The following SV2B variants were observed in gnomAD, a reference collection of about 807,000 sequenced individuals.
SV2B encodes the protein solute carrier family 22 member B2.
SV2B carries 41 observed loss-of-function variants against 73.9 expected under a neutral mutation model. The observed-to-expected ratio is 0.56, with a 90% CI of 0.43 to 0.72. The LOEUF (loss-of-function observed/expected upper bound fraction) is 0.72, where lower values mean the gene tolerates loss of function less well. Ranked by LOEUF, SV2B falls within the 30% of genes least tolerant of loss-of-function variation. The pLI, the probability that SV2B is intolerant of heterozygous loss-of-function variation, is 0.00. For missense variants in SV2B, 764 were observed against 857.8 expected, an observed-to-expected ratio of 0.89 and a Z score of 1.37; for synonymous variants, 314 against 314.2, an observed-to-expected ratio of 1.00 and a Z score of 0.01.
chr15:91,202,196 C>G (rs1229789383), intron 1 of SV2B, among the ~76,000 whole-genome samples: 1 of 152,172 alleles, frequency 6.6e-6, no homozygotes, highest in Non-Finnish European at 1.5e-5. Flanking sequence ...CTGCCTAGCA[C>G]TCATATGAGA....
In SV2B at chr15:91,173,695, A is replaced by C. The variant is rs1462420389; in HGVS notation, c.-391-52178A>C. 1.6e-4 allele frequency among the ~76,000 whole-genome samples: 25 copies of C among 152,274 alleles called. No homozygotes were observed. In the Middle Eastern group the frequency reaches 0.01, roughly 62 times the overall value. ...GAGAAATGTTCCCAGTCTGTTCCAA[A>C]TGACTGGAAGTTCTTCAACAGAAAG... On this transcript the variant is annotated intron_variant, in intron 1 of 12. Transcript: ENST00000394232.
Position 91,223,224 on chromosome 15 carries a change from C to CTATTTCCAAATAGATCT in SV2B, c.-391-2637_-391-2636insGATCTTATTTCCAAATA. Among the ~76,000 whole-genome samples, 1 of 152,228 alleles carries CTATTTCCAAATAGATCT rather than the reference C, an allele frequency of 6.6e-6. No homozygotes were observed. The highest frequency in any genetic ancestry group is 2.4e-5 in the African/African-American group (1 of 41,464). ...TAACTTGATTACCTCTGGAAAGACT[C>CTATTTCCAAATAGATCT]TATTTCCAAATAAGATCACATTTTG... On this transcript the variant is annotated intron_variant, in intron 1 of 12. Coordinates refer to ENST00000394232, the MANE Select transcript of SV2B (RefSeq NM_001323032.3). This position sits in a 1 kb window ranked among gnomAD's most constrained non-coding sequence, Gnocchi z 4.6.
chr15:91,105,418 G>A lies in SV2B; in HGVS notation c.-392+5055G>A, dbSNP rs1252187957. Among the ~76,000 whole-genome samples the A allele has an allele frequency of 6.6e-6, 1 of 152,158 alleles. No homozygotes were observed. The highest frequency in any genetic ancestry group is 2.4e-5 in the African/African-American group (1 of 41,442). On this transcript the variant is annotated intron_variant, in intron 1 of 12. Transcript: ENST00000394232. This position sits in a 1 kb window ranked among gnomAD's most constrained non-coding sequence, Gnocchi z 5.5. ...GGAGAACAGGTGCAAAGGCCCCGAG[G>A]CAACAGATAACTGGCATGTTCCAGG...
In SV2B at chr15:91,105,321, G is replaced by A. The variant is rs962024626; in HGVS notation, c.-392+4958G>A. 6.6e-6 allele frequency among the ~76,000 whole-genome samples: 1 copy of A among 152,182 alleles called. No individual in the cohort carries two copies. Among genetic ancestry groups the A allele is most frequent in the Non-Finnish European group, 1.5e-5 (1 of 68,030 alleles). Reference sequence around the variant, plus strand: ...ACGAAGTGTGGGTATTTTATGCAAGGTGGTCAGGGTGACATGAAGGAAGTG... The same window carrying A: ...ACGAAGTGTGGGTATTTTATGCAAGATGGTCAGGGTGACATGAAGGAAGTG... On this transcript the variant is annotated intron_variant, in intron 1 of 12. Transcript: ENST00000394232. The surrounding 1 kb of genome is among the most constrained non-coding windows in gnomAD (Gnocchi z 5.5).
chr15:91,278,812 G>T (rs2048588444), intron 9 of SV2B, among the ~76,000 whole-genome samples: 1 of 151,594 alleles, frequency 6.6e-6, no homozygotes, highest in African/African-American at 2.4e-5. Flanking sequence ...ATTTACCTCA[G>T]ATTAGGACCT....
At chr15:91,191,293 T>A (rs2045019018) in intron 1 of SV2B, among the ~76,000 whole-genome samples, 1 of 152,050 alleles carries the variant, frequency 6.6e-6, no homozygotes, top group Non-Finnish European at 1.5e-5. Context: ...TTGTACAGGC[T>A]CCTAGTAATC....
intron 1 of SV2B, among the ~76,000 whole-genome samples, chr15:91,112,848 G>A (rs895670524): frequency 6.6e-6 from 1 of 152,114 alleles, no homozygotes; most frequent in Non-Finnish European, 1.5e-5. Flanking sequence ...ACAGGGTCTT[G>A]CTCTGCCACC....
At chr15:91,213,477 C>T (rs1596597460) in intron 1 of SV2B, among the ~76,000 whole-genome samples, 3 of 152,050 alleles carry the variant, frequency 2.0e-5, no homozygotes, top group Admixed American at 6.6e-5. Flanking sequence ...GTATGTATCT[C>T]CTTGTGTTGT....
intron 2 of SV2B, among the ~76,000 whole-genome samples, chr15:91,246,085 C>A (rs547741318): frequency 5.4e-5 from 8 of 148,164 alleles, no homozygotes; most frequent in African/African-American, 1.8e-4. Context: ...AAAAAAAAAT[C>A]CCCCCTTCAA....
At chr15:91,114,052 T>G (rs1265310529) in intron 1 of SV2B, among the ~76,000 whole-genome samples, 2 of 151,808 alleles carry the variant, frequency 1.3e-5, no homozygotes, top group Non-Finnish European at 2.9e-5. Flanking sequence ...AAACTTAAAG[T>G]GCCTTAAAGA....
At chr15:91,292,263 A>C (rs2049067695) in intron 12 of SV2B, 106 bp from the exon 13 acceptor site, 5 of 1,098,028 alleles carry the variant, frequency 4.6e-6, no homozygotes, top group South Asian at 3.8e-5. Flanking sequence ...AGGAAAAAAA[A>C]CTCCCTTGCA....
At position 91,120,948 on chromosome 15, in the gene SV2B, G is replaced by A. The variant is rs564084727; in HGVS notation, c.-392+20585G>A. ...TTTTCTCAACATGATTCAGGTAGTA[G>A]ATGGCAGAGCTGCAGCACCCACTCA... On this transcript the variant is annotated intron_variant, in intron 1 of 12. Coordinates refer to ENST00000394232, the MANE Select transcript of SV2B (RefSeq NM_001323032.3). 3.9e-4 allele frequency among the ~76,000 whole-genome samples: 59 copies of A among 152,118 alleles called. 3 individuals are homozygous for A. The South Asian group carries it at 0.012, about 31-fold the overall frequency.
intron 1 of SV2B, among the ~76,000 whole-genome samples, chr15:91,208,896 A>G (rs867399803): frequency 4.6e-5 from 7 of 152,138 alleles, no homozygotes; most frequent in Admixed American, 6.5e-5. Context: ...TGATGCCACA[A>G]TGGATTACGT....
At chr15:91,180,944 G>T (rs1375096565) in intron 1 of SV2B, among the ~76,000 whole-genome samples, 1 of 152,330 alleles carries the variant, frequency 6.6e-6, no homozygotes, top group South Asian at 2.1e-4. Context: ...GAGGAACTGC[G>T]TTCCTTTGGA....
intron 1 of SV2B, among the ~76,000 whole-genome samples, chr15:91,125,613 A>G (rs1340832757): frequency 6.6e-6 from 1 of 151,594 alleles, no homozygotes. Flanking sequence ...CACTACCCAA[A>G]ATACCAAAAA....
rs1485174000 is a variant in SV2B, at chr15:91,302,226, GTGAAGTGTCATA to G, written c.*9677_*9688del. 6.6e-6 allele frequency among the ~76,000 whole-genome samples: 1 copy of G among 152,154 alleles called. No homozygotes were observed. Among genetic ancestry groups the G allele is most frequent in the Non-Finnish European group, 1.5e-5 (1 of 68,032 alleles). ...ACATGAGTTGAATGGTGAGGAGCAA[GTGAAGTGTCATA>G]TGTAAAAGAGTTAATTCTCAGATTG... is the stretch of plus-strand genomic sequence containing the variant. On this transcript the variant is annotated 3_prime_UTR_variant, in exon 13 of 13. Coordinates refer to ENST00000394232, the MANE Select transcript of SV2B (RefSeq NM_001323032.3).
At chr15:91,199,751 T>G (rs1567337978) in intron 1 of SV2B, among the ~76,000 whole-genome samples, 1 of 152,108 alleles carries the variant, frequency 6.6e-6, no homozygotes, top group Non-Finnish European at 1.5e-5. Context: ...AATGGAAATT[T>G]TTGGACGCAC....
chr15:91,193,907 G>A (rs1055928336), intron 1 of SV2B, among the ~76,000 whole-genome samples: 1 of 152,000 alleles, frequency 6.6e-6, no homozygotes, highest in African/African-American at 2.4e-5. Flanking sequence ...TAACCATAAA[G>A]GCTCAACGTT....
chr15:91,185,964 GA>G (rs1321904841), intron 1 of SV2B, among the ~76,000 whole-genome samples: 1 of 152,160 alleles, frequency 6.6e-6, no homozygotes, highest in African/African-American at 2.4e-5. Context: ...CCTCTTCTAA[GA>G]TGGGCTCTCG....
Sources: allele counts gnomAD v4.1 joint callset (sites outside exome capture counted in the v4.1 genomes callset), GRCh38; gene constraint gnomAD v4.1.1; non-coding constraint Gnocchi (gnomAD v3.1); transcripts MANE v1.5; gene names NCBI Gene and HGNC (gene_info 2026-07-23, HGNC 2026-07-21).